Variants in RGS7 observed in about 807,000 individuals in gnomAD.
RGS7 encodes regulator of G-protein signaling 7.
A neutral mutation model predicts 81.1 loss-of-function variants in RGS7; 27 were observed. That is an observed-to-expected ratio of 0.33 (90% CI 0.25 to 0.46). RGS7 has a LOEUF of 0.46. Among genes scored for constraint, RGS7 ranks in the 20% least tolerant of loss-of-function variants. The pLI, the probability that RGS7 is intolerant of heterozygous loss-of-function variation, is 1.00. For missense variants in RGS7, 396 were observed against 607.4 expected, an observed-to-expected ratio of 0.65 and a Z score of 3.66; for synonymous variants, 208 against 207.7, an observed-to-expected ratio of 1.00 and a Z score of -0.01.
chr1:240,841,129 T>C (rs12752338), intron 9 of RGS7, among the ~76,000 whole-genome samples: 3,334 of 152,326 alleles, frequency 0.022, 57 homozygotes, highest in Non-Finnish European at 0.031. Flanking sequence ...AATGTTCTTT[T>C]CCTGTGCAAT....
At chr1:241,278,961 CA>C (rs1055989903) in intron 2 of RGS7, among the ~76,000 whole-genome samples, 4 of 152,068 alleles carry the variant, frequency 2.6e-5, no homozygotes, top group Non-Finnish European at 4.4e-5. Context: ...TTTACTCCAC[CA>C]TAAAAGGAAC....
chr1:240,821,897 T>C (rs914518447), intron 10 of RGS7, among the ~76,000 whole-genome samples: 2 of 152,198 alleles, frequency 1.3e-5, no homozygotes, highest in African/African-American at 4.8e-5. Context: ...CAATCACACA[T>C]ACATGCAGAT....
chr1:241,128,777 C>CAAAAAAAAAAA (rs71172680), intron 2 of RGS7, among the ~76,000 whole-genome samples: 2 of 77,942 alleles, frequency 2.6e-5, no homozygotes, highest in African/African-American at 4.3e-5. Flanking sequence ...GAATAATAGG[C>CAAAAAAAAAAA]AAAAAAAAAA....
chr1:241,261,112 A>C (rs563750049), intron 2 of RGS7, among the ~76,000 whole-genome samples: 24 of 152,274 alleles, frequency 1.6e-4, no homozygotes, highest in South Asian at 1.2e-3. Flanking sequence ...CAAACAAAAA[A>C]AAACAAACAA....
intron 9 of RGS7, among the ~76,000 whole-genome samples, chr1:240,830,706 T>C (rs776513817): frequency 2.2e-4 from 34 of 152,168 alleles, no homozygotes; most frequent in Non-Finnish European, 3.8e-4. Context: ...ATTTTCTTTA[T>C]ACATCTGAGG....
At chr1:241,340,896 A>G (rs1339141768) in intron 2 of RGS7, among the ~76,000 whole-genome samples, 1 of 152,216 alleles carries the variant, frequency 6.6e-6, no homozygotes, top group African/African-American at 2.4e-5. Context: ...ACACACAAAG[A>G]AAACAAAAGG....
chr1:240,879,938 G>T (rs1036535072), intron 6 of RGS7, among the ~76,000 whole-genome samples: 3 of 152,130 alleles, frequency 2.0e-5, no homozygotes, highest in Non-Finnish European at 2.9e-5. Context: ...GGAAAATTAA[G>T]GCTGAAAATT....
intron 2 of RGS7, among the ~76,000 whole-genome samples, chr1:241,325,514 A>G (rs186468490): frequency 1.2e-3 from 190 of 152,300 alleles, no homozygotes; most frequent in African/African-American, 4.5e-3. Context: ...TGTATGCCTA[A>G]CACACTGCCA....
At chr1:241,182,944 C>CT (rs67489117) in intron 2 of RGS7, among the ~76,000 whole-genome samples, 165 of 145,174 alleles carry the variant, frequency 1.1e-3, no homozygotes, top group South Asian at 3.1e-3. Flanking sequence ...AAACGTTTTT[C>CT]TTTTTTTTTT....
chr1:241,327,047 G>GGAGGGAGGGAGGGAGA (rs2081574726), intron 2 of RGS7, among the ~76,000 whole-genome samples: 1 of 38,730 alleles, frequency 2.6e-5, no homozygotes, highest in Non-Finnish European at 5.2e-5. Context: ...AGGGAGGGAG[G>GGAGGGAGGGAGGGAGA]GGAAAGGAAG....
At chr1:240,873,075 T>A (rs1336624778) in intron 6 of RGS7, among the ~76,000 whole-genome samples, 2 of 150,502 alleles carry the variant, frequency 1.3e-5, no homozygotes, top group Admixed American at 1.3e-4. Context: ...CAAGACTCCG[T>A]CTAAAAAAAA....
At chr1:241,082,877 T>C (rs962015329) in intron 3 of RGS7, among the ~76,000 whole-genome samples, 2 of 152,172 alleles carry the variant, frequency 1.3e-5, no homozygotes, top group Admixed American at 1.3e-4. Flanking sequence ...ATTATTTCTC[T>C]ACAAATACAA....
intron 2 of RGS7, among the ~76,000 whole-genome samples, chr1:241,105,460 C>A (rs781225607): frequency 6.6e-6 from 1 of 152,128 alleles, no homozygotes; most frequent in South Asian, 2.1e-4. Flanking sequence ...AGTTCCCGCC[C>A]GAACACTTGG....
chr1:241,140,380 G>A (rs2067843604), intron 2 of RGS7, among the ~76,000 whole-genome samples: 1 of 152,130 alleles, frequency 6.6e-6, no homozygotes, highest in Non-Finnish European at 1.5e-5. Flanking sequence ...TCCACCCACT[G>A]ATGGGTCCCT....
chr1:240,798,733 C>T (rs149804215), intron 18 of RGS7, among the ~76,000 whole-genome samples: 5 of 152,158 alleles, frequency 3.3e-5, no homozygotes, highest in East Asian at 1.9e-4. Context: ...TATTATAAAG[C>T]GCCCAGTGCA....
At chr1:240,792,599 G>A (rs966404998) in intron 18 of RGS7, among the ~76,000 whole-genome samples, 3 of 152,090 alleles carry the variant, frequency 2.0e-5, no homozygotes, top group Non-Finnish European at 2.9e-5. Context: ...TAGCAGGCAG[G>A]TCTCTTGCTA....
At chr1:240,907,356 A>G (rs1038541671) in intron 6 of RGS7, among the ~76,000 whole-genome samples, 2 of 152,110 alleles carry the variant, frequency 1.3e-5, no homozygotes, top group Admixed American at 6.5e-5. Context: ...GAGAATGTAG[A>G]AATAAAATAA....
At chr1:241,055,167 G>C (rs1353091515) in intron 3 of RGS7, among the ~76,000 whole-genome samples, 1 of 152,172 alleles carries the variant, frequency 6.6e-6, no homozygotes, top group Non-Finnish European at 1.5e-5. Context: ...ACTGACACCA[G>C]ATTCTCCAGC....
rs553236830 is a variant in RGS7, at chr1:241,250,467, T to A, written c.78+105232A>T. ...ATGTAAACCTGTTAATATTGTGGGATTTTTTTTTTTTTGGACACTCACCTT... is the reference window on the plus strand; with the variant it reads ...ATGTAAACCTGTTAATATTGTGGGAATTTTTTTTTTTTGGACACTCACCTT... On this transcript the variant is annotated intron_variant, in intron 2 of 18. Coordinates refer to ENST00000440928, the MANE Select transcript of RGS7 (RefSeq NM_001364886.1). Among the ~76,000 whole-genome samples the A allele has an allele frequency of 2.9e-5, 4 of 136,444 alleles. No individual in the cohort carries two copies. The South Asian group carries it at 9.4e-4, about 32-fold the overall frequency. The allele number at this position is 136,444 out of a possible 152,430, so 89.5% of individuals were successfully genotyped here.
Sources: allele counts gnomAD v4.1 joint callset (sites outside exome capture counted in the v4.1 genomes callset), GRCh38; gene constraint gnomAD v4.1.1; transcripts MANE v1.5; gene names NCBI Gene and HGNC (gene_info 2026-07-23, HGNC 2026-07-21).